SLC24A2: variants seen among roughly 807,000 people sequenced by gnomAD.
SLC24A2 encodes solute carrier family 24 member 2.
A neutral mutation model predicts 62.0 loss-of-function variants in SLC24A2; 36 were observed. That is an observed-to-expected ratio of 0.58 (90% CI 0.44 to 0.77). The LOEUF (loss-of-function observed/expected upper bound fraction) is 0.77. Among genes scored for constraint, SLC24A2 ranks in the 30% least tolerant of loss-of-function variants. The pLI is 0.00. For synonymous variants in SLC24A2, 358 were observed against 294.0 expected (o/e 1.22, Z -2.23); for missense variants, 846 against 817.9 (o/e 1.03, Z -0.42).
the SLC24A2 span, among the ~76,000 whole-genome samples, chr9:19,867,502 C>G: frequency 6.6e-6 from 1 of 151,590 alleles, no homozygotes; most frequent in Non-Finnish European, 1.5e-5. Context: ...AGTTTTTTTT[C>G]TCTTTCTAAG....
chr9:20,075,358 A>G, the SLC24A2 span, among the ~76,000 whole-genome samples: 1 of 152,204 alleles, frequency 6.6e-6, no homozygotes, highest in Non-Finnish European at 1.5e-5. Context: ...TAACTGGATA[A>G]CCTTGCAAAG....
At chr9:20,179,678 T>C in the SLC24A2 span, among the ~76,000 whole-genome samples, 27 of 152,234 alleles carry the variant, frequency 1.8e-4, no homozygotes, top group South Asian at 3.7e-3. Flanking sequence ...AGTGAATAGA[T>C]TGAGACTGAG....
chr9:19,905,167 C>A, the SLC24A2 span, among the ~76,000 whole-genome samples: 10 of 152,166 alleles, frequency 6.6e-5, no homozygotes, highest in African/African-American at 1.9e-4. Context: ...AACAAAAAGC[C>A]CAGCCCTTCT....
At chr9:19,718,146 T>C (rs964191720) in intron 2 of SLC24A2, among the ~76,000 whole-genome samples, 1 of 151,314 alleles carries the variant, frequency 6.6e-6, no homozygotes, top group African/African-American at 2.4e-5. Context: ...CCGGCTAATT[T>C]TTGTATTTTT....
chr9:19,686,079 C>T, intron 2 of SLC24A2, among the ~76,000 whole-genome samples: 1 of 151,882 alleles, frequency 6.6e-6, no homozygotes, highest in Admixed American at 6.6e-5. Context: ...CAAAAAACAA[C>T]CCTATTAAAA....
chr9:19,828,906 A>G, the SLC24A2 span, among the ~76,000 whole-genome samples: 12,882 of 151,982 alleles, frequency 0.085, 636 homozygotes, highest in African/African-American at 0.14. Flanking sequence ...CCTATTTGCA[A>G]TCTAGGTGGG....
the SLC24A2 span, among the ~76,000 whole-genome samples, chr9:20,097,332 C>T: frequency 6.6e-6 from 1 of 152,198 alleles, no homozygotes; most frequent in East Asian, 1.9e-4. Context: ...ACCCTTCAAC[C>T]TGCTTTATAT....
At chr9:19,781,206 A>G (rs868386784) in intron 2 of SLC24A2, among the ~76,000 whole-genome samples, 13 of 152,262 alleles carry the variant, frequency 8.5e-5, no homozygotes, top group Non-Finnish European at 1.3e-4. Context: ...CCAAAACCAC[A>G]CTCTGGATGT....
At chr9:20,253,073 A>C in the SLC24A2 span, among the ~76,000 whole-genome samples, 1 of 152,232 alleles carries the variant, frequency 6.6e-6, no homozygotes, top group African/African-American at 2.4e-5. Context: ...GCCTATCCCA[A>C]GGCAATTACC....
At chr9:19,558,562 A>G (rs1466532651) in intron 7 of SLC24A2, among the ~76,000 whole-genome samples, 2 of 152,172 alleles carry the variant, frequency 1.3e-5, no homozygotes, top group Non-Finnish European at 2.9e-5. Flanking sequence ...TCTAAAATGG[A>G]TATCTGGGGG....
At chr9:19,589,871 G>A (rs1260364561) in intron 5 of SLC24A2, among the ~76,000 whole-genome samples, 1 of 151,890 alleles carries the variant, frequency 6.6e-6, no homozygotes, top group East Asian at 1.9e-4. Flanking sequence ...CAAAAGAAGG[G>A]GCATCAAAGC....
the SLC24A2 span, among the ~76,000 whole-genome samples, chr9:19,986,939 T>C: frequency 1.3e-5 from 2 of 152,064 alleles, no homozygotes; most frequent in African/African-American, 4.8e-5. Context: ...TTATGTCAAT[T>C]TCAACTCAGT....
chr9:19,976,127 T>C, the SLC24A2 span, among the ~76,000 whole-genome samples: 1 of 152,180 alleles, frequency 6.6e-6, no homozygotes, highest in South Asian at 2.1e-4. Context: ...CAAGCCATCT[T>C]CCTGCCTCAG....
the SLC24A2 span, among the ~76,000 whole-genome samples, chr9:19,817,895 A>C: frequency 6.6e-6 from 1 of 151,976 alleles, no homozygotes; most frequent in South Asian, 2.1e-4. Flanking sequence ...TACTACATCC[A>C]GCTAATTTTA....
At chr9:20,187,529 A>C in the SLC24A2 span, among the ~76,000 whole-genome samples, 1 of 152,158 alleles carries the variant, frequency 6.6e-6, no homozygotes, top group Non-Finnish European at 1.5e-5. Flanking sequence ...TCTCAGCTGC[A>C]GTCATGCTTC....
At chr9:19,988,626 A>G in the SLC24A2 span, among the ~76,000 whole-genome samples, 1 of 152,180 alleles carries the variant, frequency 6.6e-6, no homozygotes, top group Non-Finnish European at 1.5e-5. Flanking sequence ...GAAGAGAGAC[A>G]AGGCTGGCTT....
the SLC24A2 span, among the ~76,000 whole-genome samples, chr9:20,236,233 T>C: frequency 1.3e-5 from 2 of 152,346 alleles, no homozygotes; most frequent in African/African-American, 4.8e-5. Flanking sequence ...TGTCCTTAGT[T>C]TGTTTTCTCA....
chr9:19,890,561 C>T, the SLC24A2 span, among the ~76,000 whole-genome samples: 1 of 152,072 alleles, frequency 6.6e-6, no homozygotes, highest in Admixed American at 6.5e-5. Context: ...TCACTGATGA[C>T]TTCTTCTCCT....
chr9:20,158,320 A>C, the SLC24A2 span, among the ~76,000 whole-genome samples: 1 of 151,728 alleles, frequency 6.6e-6, no homozygotes, highest in Non-Finnish European at 1.5e-5. Flanking sequence ...ACACATTACA[A>C]CATAACCTCC....
Sources: allele counts gnomAD v4.1 joint callset (sites outside exome capture counted in the v4.1 genomes callset), GRCh38; gene constraint gnomAD v4.1.1; transcripts MANE v1.5; gene names NCBI Gene and HGNC (gene_info 2026-07-23, HGNC 2026-07-21).